Variants in SOCS6 observed in about 807,000 individuals in gnomAD.
SOCS6 encodes STAT induced STAT inhibitor-4.
In SOCS6, 5 loss-of-function variants were observed where a neutral mutation model predicts 27.7. That is an observed-to-expected ratio of 0.18 (90% CI 0.09 to 0.38). The LOEUF is 0.38. SOCS6 is among the 10% of genes least tolerant of loss of function. The pLI is 1.00. For missense variants in SOCS6, 595 were observed against 688.1 expected, an observed-to-expected ratio of 0.86 and a Z score of 1.51; for synonymous variants, 271 against 260.0, an observed-to-expected ratio of 1.04 and a Z score of -0.41.
chr18:70,293,647 T>C (rs1008345001), intron 1 of SOCS6, among the ~76,000 whole-genome samples: 1 of 152,078 alleles, frequency 6.6e-6, no homozygotes, highest in African/African-American at 2.4e-5. Flanking sequence ...CCATGCTAAC[T>C]AAGGAAGACA....
At chr18:70,324,517 ACT>A (rs1449162801) in intron 1 of SOCS6, 24 bp from the exon 2 acceptor site, 5 of 574,866 alleles carry the variant, frequency 8.7e-6, no homozygotes, top group African/African-American at 3.8e-5. Context: ...TTTTAATATG[ACT>A]CTTTTTATAT....
chr18:70,314,637 C>T (rs1411727538), intron 1 of SOCS6, among the ~76,000 whole-genome samples: 1 of 152,140 alleles, frequency 6.6e-6, no homozygotes, highest in East Asian at 1.9e-4. Flanking sequence ...GACAAAATCA[C>T]CTAACGACAT....
chr18:70,310,537 G>A (rs1043576247), intron 1 of SOCS6, among the ~76,000 whole-genome samples: 1 of 148,610 alleles, frequency 6.7e-6, no homozygotes, highest in African/African-American at 2.5e-5. Flanking sequence ...TGAACTCCTG[G>A]GCTCAAGCAG....
rs934526914 is a variant in SOCS6 at position 70,327,013 on chromosome 18, A to G, written c.*737A>G. On this transcript the variant is annotated 3_prime_UTR_variant, in exon 2 of 2. Transcript: ENST00000397942. ...AATTGTAAAGAAATGTATACCACCA[A>G]TTTAGAAATTGTTGCCTTTTCTGTA... The G allele has an allele frequency of 6.0e-6, 1 of 166,142 alleles. No homozygotes were observed. The highest frequency in any genetic ancestry group is 2.4e-5 in the African/African-American group (1 of 41,472). The allele number at this position is 166,142 out of a possible 1,614,324, so 10.3% of individuals were successfully genotyped here.
rs755240902 is a variant in SOCS6 at position 70,324,830 on chromosome 18, C to T, written c.162C>T (p.Cys54=). The part of the protein sequence containing the change: ...GSCYGKDMAS[C]DINGEDEKGG... ...GCTATGGTAAAGATATGGCCAGCTG[C>T]GATATCAACGGTGAAGATGAAAAAG... is the stretch of plus-strand genomic sequence containing the variant. Residue 54 remains cysteine, a synonymous_variant, in exon 2 of 2, where the codon TGC becomes TGT. Coordinates refer to ENST00000397942, the MANE Select transcript of SOCS6 (RefSeq NM_004232.4). 8.7e-6 allele frequency: 14 copies of T among 1,613,974 alleles called. No individual in the cohort carries two copies. Among genetic ancestry groups the T allele is most frequent in the East Asian group, 4.5e-5 (2 of 44,868 alleles).
chr18:70,293,173 G>A (rs1313628441), intron 1 of SOCS6, among the ~76,000 whole-genome samples: 6 of 152,100 alleles, frequency 3.9e-5, no homozygotes, highest in East Asian at 1.9e-4. Context: ...AAGTAGTTGC[G>A]GTTTTCATGT....
rs751146299 is a variant in SOCS6 at position 70,324,696 on chromosome 18, C to T, written c.28C>T (p.Arg10Trp). ...GAAGAAAATTAGTCTTAAAACCTTACGGAAATCTTTTAACTTGAATAAAAG... is the reference window on the plus strand; with the variant it reads ...GAAGAAAATTAGTCTTAAAACCTTATGGAAATCTTTTAACTTGAATAAAAG... MKKISLKTL[R>W]KSFNLNKSKE... is the part of the protein sequence containing the mutation. Residue 10 changes from arginine (R) to tryptophan (W), a missense_variant, in exon 2 of 2, where the codon CGG becomes TGG. Physicochemically the swap from Arg to Trp is moderately radical, Grantham distance 101. Coordinates refer to ENST00000397942, the MANE Select transcript of SOCS6 (RefSeq NM_004232.4). The T allele has an allele frequency of 3.8e-6, 6 of 1,596,630 alleles. No homozygotes were observed. The highest frequency in any genetic ancestry group is 1.1e-5 in the South Asian group (1 of 88,666).
rs1371215840 is a variant in SOCS6, at chr18:70,313,493, T to A, written c.-126-11050T>A. The stretch of plus-strand genomic sequence containing the variant: ...TTCTAAAAAATATTTTTCTCCAACT[T>A]TTATATTTTTTAAAAATAAATATTT... On this transcript the variant is annotated intron_variant, in intron 1 of 1. Transcript: ENST00000397942. Among the ~76,000 whole-genome samples the A allele has an allele frequency of 2.0e-5, 3 of 152,082 alleles. 1 individual carries two copies. Among genetic ancestry groups the A allele is most frequent in the Non-Finnish European group, 2.9e-5 (2 of 68,018 alleles).
chr18:70,322,118 G>C (rs1298609756), intron 1 of SOCS6, among the ~76,000 whole-genome samples: 1 of 152,028 alleles, frequency 6.6e-6, no homozygotes, highest in Non-Finnish European at 1.5e-5. Context: ...TTTTTCCCTT[G>C]AAACTTTATA....
intron 1 of SOCS6, among the ~76,000 whole-genome samples, chr18:70,314,449 T>C (rs1371846864): frequency 6.6e-6 from 1 of 152,156 alleles, no homozygotes; most frequent in Non-Finnish European, 1.5e-5. Context: ...ACTCTACCCT[T>C]TCTTTCTTTA....
In SOCS6 at chr18:70,326,444, C is replaced by T; in HGVS notation, c.*168C>T. 1.6e-6 allele frequency: 1 copy of T among 625,826 alleles called. No individual in the cohort carries two copies. The highest frequency in any genetic ancestry group is 2.8e-6 in the Non-Finnish European group (1 of 358,934). The allele number at this position is 625,826 out of a possible 1,614,324, so 38.8% of individuals were successfully genotyped here. A position where few individuals can be genotyped will look rare whatever the true frequency, so the allele number is the denominator to read the frequency against. Reference sequence around the variant, plus strand: ...GGGTGGGGAAGTGTCAGCAAGGTGTCTTGGGTTTATTTTGGTTCTTTAAAA... The same window carrying T: ...GGGTGGGGAAGTGTCAGCAAGGTGTTTTGGGTTTATTTTGGTTCTTTAAAA... On this transcript the variant is annotated 3_prime_UTR_variant, in exon 2 of 2. Coordinates refer to ENST00000397942, the MANE Select transcript of SOCS6 (RefSeq NM_004232.4).
intron 1 of SOCS6, among the ~76,000 whole-genome samples, chr18:70,318,182 A>T (rs1036904757): frequency 1.3e-5 from 2 of 151,910 alleles, no homozygotes; most frequent in Non-Finnish European, 2.9e-5. Flanking sequence ...GTTTTTTTTT[A>T]AAGGAATGTT....
chr18:70,326,260 A>G lies in SOCS6; in HGVS notation c.1592A>G (p.Gln531Arg). The G allele has an allele frequency of 6.2e-7, 1 of 1,612,780 alleles. No individual in the cohort carries two copies. Among genetic ancestry groups the G allele is most frequent in the Non-Finnish European group, 8.5e-7 (1 of 1,179,168 alleles). Residue 531 changes from glutamine (Q) to arginine (R), a missense_variant, in exon 2 of 2, where the codon CAG (glutamine) becomes CGG (arginine). Coordinates refer to ENST00000397942, the MANE Select transcript of SOCS6 (RefSeq NM_004232.4). ...CCAAACAAAATGAAGGATTATTTAC[A>G]GGAGAAGCACTACTGAAAGATTGAG... is the stretch of plus-strand genomic sequence containing the variant. ...PLPNKMKDYL[Q>R]EKHY
chr18:70,325,505 C>A lies in SOCS6; in HGVS notation c.837C>A (p.Ile279=). Residue 279 remains isoleucine, a synonymous_variant, in exon 2 of 2, where the codon ATC becomes ATA. Transcript: ENST00000397942. The surrounding 1 kb of genome is among the most constrained non-coding windows in gnomAD (Gnocchi z 6.3). The part of the protein sequence containing the change: ...VDQDLVVAPE[I]FVDQSVNGLL... Reference sequence around the variant, plus strand: ...AGGACCTAGTTGTCGCCCCAGAGATCTTCGTGGATCAGTCCGTGAATGGCT... The same window carrying A: ...AGGACCTAGTTGTCGCCCCAGAGATATTCGTGGATCAGTCCGTGAATGGCT... 1 of 1,614,138 alleles carries A rather than the reference C, an allele frequency of 6.2e-7. No homozygotes were observed. Among genetic ancestry groups the A allele is most frequent in the Non-Finnish European group, 8.5e-7 (1 of 1,180,028 alleles).
At chr18:70,324,450 C>T (rs1057106994) in intron 1 of SOCS6, 93 bp from the exon 2 acceptor site, 2 of 402,282 alleles carry the variant, frequency 5.0e-6, no homozygotes, top group African/African-American at 4.1e-5. Flanking sequence ...CTGGGGTGTT[C>T]TCGTTCAGAA....
At chr18:70,314,976 A>G (rs1284879313) in intron 1 of SOCS6, among the ~76,000 whole-genome samples, 1 of 151,946 alleles carries the variant, frequency 6.6e-6, no homozygotes, top group African/African-American at 2.4e-5. Context: ...AGCTATGATC[A>G]TATTATTTTA....
chr18:70,296,906 C>CTTTTTTTTTTTTTTTTTTT (rs375704179), intron 1 of SOCS6, among the ~76,000 whole-genome samples: 13 of 129,144 alleles, frequency 1.0e-4, no homozygotes, highest in South Asian at 2.4e-4. Flanking sequence ...CATTTTCTTT[C>CTTTTTTTTTTTTTTTTTTT]TTTTTTTTTT....
chr18:70,308,923 G>C (rs1232834369), intron 1 of SOCS6, among the ~76,000 whole-genome samples: 1 of 152,116 alleles, frequency 6.6e-6, no homozygotes, highest in Non-Finnish European at 1.5e-5. Context: ...TCCTTTTTAA[G>C]TGGTTTGTGT....
intron 1 of SOCS6, among the ~76,000 whole-genome samples, chr18:70,303,454 C>T (rs920538089): frequency 4.6e-5 from 7 of 151,984 alleles, no homozygotes; most frequent in African/African-American, 1.5e-4. Flanking sequence ...CAAGGAGTAT[C>T]GTTACTTTTC....
Sources: allele counts gnomAD v4.1 joint callset (sites outside exome capture counted in the v4.1 genomes callset), GRCh38; gene constraint gnomAD v4.1.1; non-coding constraint Gnocchi (gnomAD v3.1); transcripts MANE v1.5; gene names NCBI Gene and HGNC (gene_info 2026-07-23, HGNC 2026-07-21).